PARD6G: variants seen among roughly 807,000 people sequenced by gnomAD.
PARD6G encodes partitioning defective 6 homolog gamma.
PARD6G carries 7 observed loss-of-function variants against 10.7 expected under a neutral mutation model. That is an observed-to-expected ratio of 0.66 (90% CI 0.37 to 1.23). The LOEUF (loss-of-function observed/expected upper bound fraction) is 1.23. Ranked by LOEUF, PARD6G falls within the 50% of genes most tolerant of loss-of-function variation. PARD6G has a pLI of 0.02. For missense variants in PARD6G, 548 were observed against 571.8 expected (o/e 0.96, Z 0.42); for synonymous variants, 287 against 269.4 (o/e 1.07, Z -0.64).
At chr18:80,245,091 G>C (rs548175364) in intron 1 of PARD6G, among the ~76,000 whole-genome samples, 1 of 152,276 alleles carries the variant, frequency 6.6e-6, no homozygotes, top group South Asian at 2.1e-4. Context: ...ATCCATGCTT[G>C]GGGTGTAAGG....
At chr18:80,206,545 T>C (rs1272522739) in intron 1 of PARD6G, among the ~76,000 whole-genome samples, 2 of 152,230 alleles carry the variant, frequency 1.3e-5, no homozygotes, top group African/African-American at 4.8e-5. Flanking sequence ...AAATATAAAG[T>C]TGTCCTAACT....
Position 80,231,930 on chromosome 18 carries a change from A to C in PARD6G, c.72+15347T>G. On this transcript the variant is annotated intron_variant, in intron 1 of 2. Transcript: ENST00000353265. The surrounding 1 kb of genome is among the most constrained non-coding windows in gnomAD (Gnocchi z 4.2). ...AGGATAGTAAGCCTGTTTTGGGCTC[A>C]CACTGTGGGCCTGAGCTGCTGGCAG... Among the ~76,000 whole-genome samples the C allele has an allele frequency of 6.6e-6, 1 of 152,198 alleles. No individual in the cohort carries two copies. The highest frequency in any genetic ancestry group is 1.5e-5 in the Non-Finnish European group (1 of 68,032).
Position 80,159,905 on chromosome 18 carries a change from G to T in PARD6G, c.997C>A (p.Gln333Lys). ...AGGGCCAGGTCCCGCTGCAGCCGCTGCGCCAGGCCCGCGCCATTGACCCGG... is the reference window on the plus strand; with the variant it reads ...AGGGCCAGGTCCCGCTGCAGCCGCTTCGCCAGGCCCGCGCCATTGACCCGG... ...LSRVNGAGLA[Q>K]RLQRDLALDG... Residue 333 changes from glutamine (Q) to lysine (K), a missense_variant, in exon 3 of 3, where the codon CAG (glutamine) becomes AAG (lysine). By Grantham distance (53) the Gln-to-Lys change is moderately conservative. Transcript: ENST00000353265. 4 of 1,514,022 alleles carry T rather than the reference G, an allele frequency of 2.6e-6. No individual in the cohort carries two copies. The highest frequency in any genetic ancestry group is 2.6e-6 in the Non-Finnish European group (3 of 1,137,682). 93.8% of individuals were successfully genotyped at this position (1,514,022 alleles called of 1,614,324 possible).
intron 2 of PARD6G, among the ~76,000 whole-genome samples, chr18:80,179,789 A>C (rs1415398754): frequency 6.6e-6 from 1 of 152,252 alleles, no homozygotes; most frequent in African/African-American, 2.4e-5. Context: ...CACGGAGTCC[A>C]AGAGCAAGAA....
At chr18:80,237,529 C>T (rs1967437351) in intron 1 of PARD6G, among the ~76,000 whole-genome samples, 1 of 152,172 alleles carries the variant, frequency 6.6e-6, no homozygotes, top group South Asian at 2.1e-4. Flanking sequence ...AGAACTTCTG[C>T]ACAGCAAAAG....
intron 1 of PARD6G, among the ~76,000 whole-genome samples, chr18:80,208,522 T>C (rs759029962): frequency 1.3e-5 from 2 of 152,168 alleles, no homozygotes; most frequent in South Asian, 2.1e-4. Flanking sequence ...ATTCACCTAC[T>C]ATCCCGCACA....
intron 2 of PARD6G, among the ~76,000 whole-genome samples, chr18:80,172,533 C>G (rs1427704909): frequency 6.6e-6 from 1 of 152,072 alleles, no homozygotes; most frequent in Non-Finnish European, 1.5e-5. Context: ...ATTACAGGTG[C>G]CCACTACCGT....
intron 2 of PARD6G, among the ~76,000 whole-genome samples, chr18:80,177,899 A>T (rs578158867): frequency 1.3e-5 from 2 of 151,504 alleles, no homozygotes; most frequent in East Asian, 3.9e-4. Flanking sequence ...CATGAAATAA[A>T]TCGCAGTCCA....
chr18:80,185,891 C>T (rs2052872599), intron 2 of PARD6G, among the ~76,000 whole-genome samples: 2 of 148,484 alleles, frequency 1.3e-5, no homozygotes, highest in South Asian at 4.3e-4. Flanking sequence ...TGCTTGCACA[C>T]CCTCACACAC....
chr18:80,182,861 T>G lies in PARD6G; in HGVS notation c.295+19849A>C. The G allele has an allele frequency of 4.4e-6, 2 of 453,366 alleles. No individual in the cohort carries two copies. The highest frequency in any genetic ancestry group is 3.9e-6 in the Non-Finnish European group (1 of 256,332). 28.1% of individuals were successfully genotyped at this position (453,366 alleles called of 1,614,324 possible). On this transcript the variant is annotated intron_variant, in intron 2 of 2. Coordinates refer to ENST00000353265, the MANE Select transcript of PARD6G (RefSeq NM_032510.4). The surrounding 1 kb of genome is among the most constrained non-coding windows in gnomAD (Gnocchi z 4.5). ...GTTCCCAGAGAACTTTTAAATCTGA[T>G]GTTATAGTTTTATTTCTTAGTTCTA...
At chr18:80,172,527 C>A (rs1421027622) in intron 2 of PARD6G, among the ~76,000 whole-genome samples, 1 of 152,112 alleles carries the variant, frequency 6.6e-6, no homozygotes, top group East Asian at 1.9e-4. Flanking sequence ...GTTGGAATTA[C>A]AGGTGCCCAC....
intron 2 of PARD6G, among the ~76,000 whole-genome samples, chr18:80,168,283 A>G (rs1217734260): frequency 2.6e-5 from 4 of 152,198 alleles, no homozygotes; most frequent in Non-Finnish European, 4.4e-5. Flanking sequence ...TCAGACAACA[A>G]TCCGTTTCTC....
intron 2 of PARD6G, among the ~76,000 whole-genome samples, chr18:80,187,054 G>A (rs1012679742): frequency 3.3e-5 from 5 of 151,288 alleles, no homozygotes; most frequent in African/African-American, 4.9e-5. Context: ...AGCCGATTGC[G>A]CCACTGCACT....
rs1313759632 is a variant in PARD6G at position 80,160,598 on chromosome 18, C to G, written c.304G>C (p.Glu102Gln). 1 of 1,446,498 alleles carries G rather than the reference C, an allele frequency of 6.9e-7. No homozygotes were observed. Among genetic ancestry groups the G allele is most frequent in the Non-Finnish European group, 9.1e-7 (1 of 1,104,354 alleles). The allele number at this position is 1,446,498 out of a possible 1,614,324, so 89.6% of individuals were successfully genotyped here. Residue 102 changes from glutamate (E) to glutamine (Q), a missense_variant, in exon 3 of 3, where the codon GAG becomes CAG. By Grantham distance (29) the Glu-to-Gln change is conservative. This residue lies in a region of PARD6G where 235 missense variants were observed against 291.9 expected (regional missense o/e 0.81). Transcript: ENST00000353265. ...RVFIQKREEA[E>Q]RGSLGAGSLC... ...GAGCCCGCGCCGAGGCTGCCACGCT[C>G]GGCCTCCTCTGCGGGAGAGGGGACA...
chr18:80,164,716 C>T (rs1482795728), intron 2 of PARD6G, among the ~76,000 whole-genome samples: 1 of 152,160 alleles, frequency 6.6e-6, no homozygotes, highest in Non-Finnish European at 1.5e-5. Flanking sequence ...AGAAAGAGTA[C>T]AAAGAGAGGA....
intron 2 of PARD6G, among the ~76,000 whole-genome samples, chr18:80,174,325 G>A (rs1036767355): frequency 3.3e-5 from 5 of 152,072 alleles, no homozygotes; most frequent in South Asian, 4.1e-4. Context: ...GGCCAATGAC[G>A]ACTTCCTTTG....
intron 1 of PARD6G, among the ~76,000 whole-genome samples, chr18:80,230,530 A>C (rs1026429665): frequency 6.6e-6 from 1 of 152,132 alleles, no homozygotes; most frequent in Admixed American, 6.5e-5. Context: ...CAAGATCCAG[A>C]GTGATGATGG....
At chr18:80,177,723 G>A (rs892892948) in intron 2 of PARD6G, among the ~76,000 whole-genome samples, 1 of 137,472 alleles carries the variant, frequency 7.3e-6, no homozygotes, top group African/African-American at 2.8e-5. Flanking sequence ...ACGCAAACAC[G>A]CACACAGGAT....
rs1047057319 is a variant in PARD6G, at chr18:80,183,479, T to TC, written c.295+19230dup. ...AGAGCTTCTAATGGTCCCAGCTGAG[T>TC]CCCCCAAGGCTCAGCACGTGATCCT... On this transcript the variant is annotated intron_variant, in intron 2 of 2. Transcript: ENST00000353265. This position sits in a 1 kb window ranked among gnomAD's most constrained non-coding sequence, Gnocchi z 4.5. Among the ~76,000 whole-genome samples the TC allele has an allele frequency of 5.3e-5, 8 of 152,006 alleles. No individual in the cohort carries two copies. The highest frequency in any genetic ancestry group is 1.2e-4 in the Non-Finnish European group (8 of 68,014).
Sources: allele counts gnomAD v4.1 joint callset (sites outside exome capture counted in the v4.1 genomes callset), GRCh38; gene constraint gnomAD v4.1.1; regional missense constraint gnomAD v4.1.1; non-coding constraint Gnocchi (gnomAD v3.1); transcripts MANE v1.5; gene names NCBI Gene and HGNC (gene_info 2026-07-23, HGNC 2026-07-21).